RSU1: variants seen among roughly 807,000 people sequenced by gnomAD.
RSU1 encodes the protein rsu-1.
RSU1 carries 26 observed loss-of-function variants against 31.1 expected under a neutral mutation model. The ratio of observed to expected loss-of-function variants is 0.84; its 90% CI spans 0.61 to 1.16. The LOEUF (loss-of-function observed/expected upper bound fraction) is 1.16, where lower values mean the gene tolerates loss of function less well. Among genes scored for constraint, RSU1 ranks in the 50% most tolerant of loss-of-function variants. RSU1 has a pLI of 0.00. For missense variants in RSU1, 320 were observed against 339.1 expected (o/e 0.94, Z 0.44); for synonymous variants, 164 against 136.3 (o/e 1.20, Z -1.41).
At chr10:16,690,900 T>G (rs1377962221) in intron 8 of RSU1, among the ~76,000 whole-genome samples, 1 of 152,150 alleles carries the variant, frequency 6.6e-6, no homozygotes, top group Non-Finnish European at 1.5e-5. Flanking sequence ...GTTTTCATGG[T>G]AGTTTAAAGA....
At chr10:16,604,646 C>T (rs541779033) in intron 8 of RSU1, among the ~76,000 whole-genome samples, 6 of 152,242 alleles carry the variant, frequency 3.9e-5, no homozygotes, top group South Asian at 2.1e-4. Context: ...CTGAGACAGG[C>T]GCTACCCCCA....
intron 7 of RSU1, among the ~76,000 whole-genome samples, chr10:16,734,560 G>A (rs921242984): frequency 6.6e-6 from 1 of 152,130 alleles, no homozygotes; most frequent in African/African-American, 2.4e-5. Context: ...ATATATATTG[G>A]GGGGGTTATC....
rs149471932 is a variant in RSU1, at chr10:16,681,979, T to C, written c.731+13044A>G. On this transcript the variant is annotated intron_variant, in intron 8 of 8. Coordinates refer to ENST00000345264, the MANE Select transcript of RSU1 (RefSeq NM_012425.4). Reference sequence around the variant, plus strand: ...TGTCTTTACAGCATGGTGCATCCTATGAAAATAAGCACTCCATCTTTGATA... The same window carrying C: ...TGTCTTTACAGCATGGTGCATCCTACGAAAATAAGCACTCCATCTTTGATA... 6.0e-3 allele frequency among the ~76,000 whole-genome samples: 913 copies of C among 152,214 alleles called. 22 individuals are homozygous for C. The highest frequency in any genetic ancestry group is 0.037 in the East Asian group (194 of 5,178).
At chr10:16,615,591 A>G (rs1833962415) in intron 8 of RSU1, among the ~76,000 whole-genome samples, 1 of 152,302 alleles carries the variant, frequency 6.6e-6, no homozygotes. Context: ...ATTCTTCTCA[A>G]TGCCACAGGG....
chr10:16,707,428 G>A (rs959187115), intron 7 of RSU1, among the ~76,000 whole-genome samples: 1 of 152,156 alleles, frequency 6.6e-6, no homozygotes, highest in Admixed American at 6.5e-5. Flanking sequence ...TAACTGGAGT[G>A]AGGTGGTATT....
chr10:16,678,322 A>G (rs771703998), intron 8 of RSU1, among the ~76,000 whole-genome samples: 1 of 152,254 alleles, frequency 6.6e-6, no homozygotes, highest in African/African-American at 2.4e-5. Flanking sequence ...GCCTAATGTT[A>G]TCTGACAGGT....
At chr10:16,662,853 C>T (rs748152919) in intron 8 of RSU1, among the ~76,000 whole-genome samples, 10 of 151,760 alleles carry the variant, frequency 6.6e-5, no homozygotes, top group African/African-American at 9.7e-5. Flanking sequence ...AGAAATCAAG[C>T]GTGTGATAAC....
intron 8 of RSU1, among the ~76,000 whole-genome samples, chr10:16,643,756 G>T (rs1564297049): frequency 1.3e-5 from 2 of 152,084 alleles, no homozygotes; most frequent in African/African-American, 2.4e-5. Context: ...CTGCCTTAAA[G>T]GGTCGCTGTT....
intron 7 of RSU1, among the ~76,000 whole-genome samples, chr10:16,746,772 C>T (rs1836864209): frequency 6.7e-6 from 1 of 149,772 alleles, no homozygotes; most frequent in Non-Finnish European, 1.5e-5. Context: ...GATTTTTATC[C>T]TCTCTACTAA....
At chr10:16,754,400 C>G (rs563480745) in intron 5 of RSU1, among the ~76,000 whole-genome samples, 19 of 152,104 alleles carry the variant, frequency 1.2e-4, no homozygotes, top group Non-Finnish European at 2.5e-4. Flanking sequence ...AATAAGAGTA[C>G]TTTTTAAAAG....
At chr10:16,608,119 C>T (rs1223373736) in intron 8 of RSU1, among the ~76,000 whole-genome samples, 1 of 152,236 alleles carries the variant, frequency 6.6e-6, no homozygotes, top group Non-Finnish European at 1.5e-5. Context: ...GCGTGAGCCA[C>T]CACACCCGGC....
At chr10:16,705,607 GCCT>G (rs2131575574) in intron 7 of RSU1, among the ~76,000 whole-genome samples, 1 of 152,104 alleles carries the variant, frequency 6.6e-6, no homozygotes. Flanking sequence ...TCCTGCCTCA[GCCT>G]CCTAAGTAGC....
intron 4 of RSU1, among the ~76,000 whole-genome samples, chr10:16,755,398 C>G (rs1432382036): frequency 6.6e-6 from 1 of 151,696 alleles, no homozygotes; most frequent in Non-Finnish European, 1.5e-5. Context: ...GCTGGGATTA[C>G]AGGCGTGAGC....
intron 7 of RSU1, among the ~76,000 whole-genome samples, chr10:16,730,028 T>A (rs1316526552): frequency 6.6e-6 from 1 of 152,190 alleles, no homozygotes; most frequent in Non-Finnish European, 1.5e-5. Flanking sequence ...GGCGCCAGCA[T>A]CTGCTTCTTG....
chr10:16,635,785 G>C (rs1426653497), intron 8 of RSU1, among the ~76,000 whole-genome samples: 1 of 152,202 alleles, frequency 6.6e-6, no homozygotes, highest in Non-Finnish European at 1.5e-5. Context: ...TATCCATGTT[G>C]TACCCATCAC....
intron 7 of RSU1, among the ~76,000 whole-genome samples, chr10:16,698,158 A>T (rs1564321895): frequency 6.6e-6 from 1 of 151,990 alleles, no homozygotes; most frequent in Non-Finnish European, 1.5e-5. Context: ...GAAGGATGAC[A>T]CACACAAGTC....
intron 8 of RSU1, among the ~76,000 whole-genome samples, chr10:16,598,698 C>T (rs1383604455): frequency 1.3e-5 from 2 of 152,200 alleles, no homozygotes; most frequent in Non-Finnish European, 2.9e-5. Context: ...AATGCTCTTC[C>T]CTAGAATCTC....
chr10:16,781,957 GAAACAGT>G, intron 3 of RSU1, 70 bp downstream of exon 3: 1 of 1,232,072 alleles, frequency 8.1e-7, no homozygotes, highest in South Asian at 1.3e-5. Flanking sequence ...TTCTCCCAAG[GAAACAGT>G]AACAGACTCA....
intron 2 of RSU1, among the ~76,000 whole-genome samples, chr10:16,803,670 A>G (rs577571294): frequency 5.3e-5 from 8 of 152,332 alleles, no homozygotes; most frequent in African/African-American, 1.9e-4. Context: ...GCCCAGAAAT[A>G]GACCCACACA....
Sources: allele counts gnomAD v4.1 joint callset (sites outside exome capture counted in the v4.1 genomes callset), GRCh38; gene constraint gnomAD v4.1.1; transcripts MANE v1.5; gene names NCBI Gene and HGNC (gene_info 2026-07-23, HGNC 2026-07-21).